Variants in PTPRF observed in about 807,000 individuals in gnomAD.
The protein encoded by PTPRF is protein tyrosine phosphatase receptor type F.
Under a neutral mutation model 201.8 loss-of-function variants are expected in PTPRF, and 59 were observed. That is an observed-to-expected ratio of 0.29 (90% CI 0.24 to 0.36). The LOEUF is 0.36. PTPRF is among the 10% of genes least tolerant of loss of function. The pLI is 1.00. For synonymous variants in PTPRF, 1,088 were observed against 1,089.7 expected (o/e 1.00, Z 0.03); for missense variants, 2,132 against 2,690.5 (o/e 0.79, Z 4.59).
intron 1 of PTPRF, among the ~76,000 whole-genome samples, chr1:43,534,469 G>C (rs533558533): frequency 1.3e-5 from 2 of 152,310 alleles, no homozygotes; most frequent in South Asian, 2.1e-4. Flanking sequence ...AGGTACACTT[G>C]TCAGGACAGA....
intron 29 of PTPRF, 103 bp downstream of exon 29, chr1:43,619,961 G>A (rs191819959): frequency 3.8e-5 from 60 of 1,562,006 alleles, no homozygotes; most frequent in Admixed American, 3.2e-4. Context: ...GAAGACCAGA[G>A]AGGGCTGGGT....
At chr1:43,534,713 A>G (rs1397885084) in intron 1 of PTPRF, among the ~76,000 whole-genome samples, 1 of 152,092 alleles carries the variant, frequency 6.6e-6, no homozygotes, top group Non-Finnish European at 1.5e-5. Flanking sequence ...GGTATGGGAG[A>G]GAAATGTCGG....
chr1:43,620,359 C>T, intron 30 of PTPRF, 95 bp from the exon 31 acceptor site: 1 of 1,519,516 alleles, frequency 6.6e-7, no homozygotes, highest in Non-Finnish European at 9.0e-7. Context: ...CCCGTTATTA[C>T]TACCTGAGGC....
chr1:43,579,112 G>GCCTT (rs1557758133), intron 7 of PTPRF, 192 bp downstream of exon 7: 1 of 715,922 alleles, frequency 1.4e-6, no homozygotes, highest in Non-Finnish European at 2.6e-6. Flanking sequence ...CCACTACTTC[G>GCCTT]CCTTCCTTCC....
At chr1:43,585,590 A>G (rs1297108123) in intron 7 of PTPRF, among the ~76,000 whole-genome samples, 1 of 152,052 alleles carries the variant, frequency 6.6e-6, no homozygotes, top group Non-Finnish European at 1.5e-5. Flanking sequence ...TGCATCTAGG[A>G]GGGAAAAAAT....
At chr1:43,563,412 C>T (rs577057029) in intron 5 of PTPRF, among the ~76,000 whole-genome samples, 2 of 152,168 alleles carry the variant, frequency 1.3e-5, no homozygotes, top group East Asian at 3.9e-4. Flanking sequence ...AAAGAGGCCT[C>T]GTACACATTT....
Position 43,619,838 on chromosome 1 carries a change from C to T in PTPRF, c.5091C>T (p.Ala1697=). 6.2e-7 allele frequency: 1 copy of T among 1,614,160 alleles called. No homozygotes were observed. The highest frequency in any genetic ancestry group is 8.5e-7 in the Non-Finnish European group (1 of 1,179,990). The change falls in exon 29 of 34, where the codon GCC becomes GCT. Residue 1697 remains alanine, a synonymous_variant. Transcript: ENST00000359947. ...RGVEGSDYIN[A]SFLDGYRQQK... ...TGGAGGGCTCTGACTACATCAATGC[C>T]AGCTTCCTGGATGGTTATAGGTCAG...
chr1:43,569,205 C>A (rs964319908), intron 5 of PTPRF, among the ~76,000 whole-genome samples: 3 of 151,268 alleles, frequency 2.0e-5, no homozygotes, highest in South Asian at 2.1e-4. Context: ...GGATGCTGCG[C>A]GAGCTCCCTG....
At chr1:43,600,957 C>T (rs1653606551) in intron 13 of PTPRF, among the ~76,000 whole-genome samples, 1 of 152,226 alleles carries the variant, frequency 6.6e-6, no homozygotes. Context: ...TTGGTTGGGA[C>T]AGCCCAGGTC....
intron 11 of PTPRF, among the ~76,000 whole-genome samples, chr1:43,593,842 C>G (rs890537190): frequency 4.6e-5 from 7 of 151,644 alleles, no homozygotes; most frequent in African/African-American, 1.7e-4. Context: ...AAAAATTAGC[C>G]AGGCGTGGTG....
intron 30 of PTPRF, 106 bp from the exon 31 acceptor site, chr1:43,620,348 G>T: frequency 6.6e-7 from 1 of 1,522,710 alleles, no homozygotes; most frequent in Non-Finnish European, 8.9e-7. Context: ...GGCCTCAGGC[G>T]CCCGTTATTA....
At chr1:43,557,210 C>T (rs1196855211) in intron 5 of PTPRF, among the ~76,000 whole-genome samples, 4 of 152,192 alleles carry the variant, frequency 2.6e-5, no homozygotes, top group Admixed American at 6.5e-5. Flanking sequence ...CCTTCAAAAG[C>T]GCCTAAGCCC....
At chr1:43,564,756 G>C (rs890352951) in intron 5 of PTPRF, among the ~76,000 whole-genome samples, 1 of 152,142 alleles carries the variant, frequency 6.6e-6, no homozygotes, top group African/African-American at 2.4e-5. Flanking sequence ...GCGTGCCTGC[G>C]TTTGCACGGA....
rs757645122 is a variant in PTPRF, at chr1:43,619,028, G to A, written c.4492-20G>A. 9 of 1,608,614 alleles carry A rather than the reference G, an allele frequency of 5.6e-6. No individual in the cohort carries two copies. The highest frequency in any genetic ancestry group is 1.7e-6 in the Non-Finnish European group (2 of 1,175,788). On this transcript the variant is annotated intron_variant, in intron 26 of 33. Transcript: ENST00000359947. Reference sequence around the variant, plus strand: ...CAGGTAGGCTCCTAGTCGCCAGTATGTCCCCACTTTGTCCCCCAGAGTGGC... The same window carrying A: ...CAGGTAGGCTCCTAGTCGCCAGTATATCCCCACTTTGTCCCCCAGAGTGGC...
At position 43,603,444 on chromosome 1, in the gene PTPRF, A is replaced by G; in HGVS notation, c.2369A>G (p.Glu790Gly). The change falls in exon 15 of 34, where the codon GAG becomes GGG. Residue 790 changes from glutamate (E) to glycine (G), a missense_variant. Physicochemically the swap from Glu to Gly is moderately conservative, Grantham distance 98. Transcript: ENST00000359947. The surrounding 1 kb of genome is among the most constrained non-coding windows in gnomAD (Gnocchi z 5.8). Reference protein sequence around the residue: ...YETTISGLTPETTYSVTVAAY... With the variant: ...YETTISGLTPGTTYSVTVAAY... The stretch of plus-strand genomic sequence containing the variant: ...ACCACTATCAGCGGCCTGACCCCGG[A>G]GACCACCTACTCCGTTACTGTTGCT... 1 of 1,614,112 alleles carries G rather than the reference A, an allele frequency of 6.2e-7. No homozygotes were observed. The highest frequency in any genetic ancestry group is 8.5e-7 in the Non-Finnish European group (1 of 1,180,014).
chr1:43,602,624 G>GT (rs35409967), intron 14 of PTPRF, among the ~76,000 whole-genome samples: 56,060 of 152,076 alleles, frequency 0.37, 10,726 homozygotes, highest in East Asian at 0.56. Flanking sequence ...CCACTGCACG[G>GT]TGGTCCCTGC....
intron 3 of PTPRF, among the ~76,000 whole-genome samples, chr1:43,549,287 T>C (rs1644874330): frequency 6.6e-6 from 1 of 152,168 alleles, no homozygotes; most frequent in African/African-American, 2.4e-5. Flanking sequence ...TTCAAGTAGC[T>C]TGGTTTGCTG....
At chr1:43,559,244 G>A (rs981812018) in intron 5 of PTPRF, among the ~76,000 whole-genome samples, 1 of 152,168 alleles carries the variant, frequency 6.6e-6, no homozygotes, top group Non-Finnish European at 1.5e-5. Flanking sequence ...AGCGGTCAGC[G>A]CACACGTTAC....
intron 12 of PTPRF, 81 bp from the exon 13 acceptor site, chr1:43,598,639 A>G: frequency 3.8e-6 from 5 of 1,314,346 alleles, no homozygotes; most frequent in Non-Finnish European, 5.4e-6. Flanking sequence ...GTGCTGAGGC[A>G]GGACCCTCAA....
Sources: gnomAD v4.1 joint callset for allele counts (sites outside exome capture counted in the v4.1 genomes callset) on GRCh38, gnomAD v4.1.1 for gene constraint, Gnocchi (gnomAD v3.1) non-coding constraint, MANE v1.5 for transcripts, NCBI Gene and HGNC (gene_info 2026-07-23, HGNC 2026-07-21) for gene names.